GET1: variants seen among roughly 807,000 people sequenced by gnomAD.
The protein encoded by GET1 is congenital heart disease 5 protein.
In GET1, 20 loss-of-function variants were observed where a neutral mutation model predicts 22.6. That is an observed-to-expected ratio of 0.89 (90% CI 0.62 to 1.29). The LOEUF is 1.29. GET1 is among the 50% of genes most tolerant of loss of function. GET1 has a pLI of 0.00. For synonymous variants in GET1, 92 were observed against 83.8 expected (o/e 1.10, Z -0.53); for missense variants, 209 against 219.9 (o/e 0.95, Z 0.31).
At chr21:39,420,605 T>C in intron 1 of GET1, 1 of 973,736 alleles carries the variant, frequency 1.0e-6, no homozygotes, top group African/African-American at 1.6e-5. Flanking sequence ...CTTATATATG[T>C]ATGTAAAATA....
chr21:39,405,989 G>A lies in GET1; in HGVS notation c.*5G>A, dbSNP rs769764729. On this transcript the variant is annotated 3_prime_UTR_variant, in exon 5 of 5. Transcript: ENST00000415847. ...GCATGGCTGGTGGAGGCCTGACTGG[G>A]AGGCAGGGGATGCGACTCCTTACTT... 4 of 1,614,064 alleles carry A rather than the reference G, an allele frequency of 2.5e-6. No homozygotes were observed. The African/African-American group carries it at 4.0e-5, about 16-fold the overall frequency.
chr21:39,385,894 T>C (rs770169594), intron 1 of GET1, among the ~76,000 whole-genome samples: 1 of 151,970 alleles, frequency 6.6e-6, no homozygotes, highest in Non-Finnish European at 1.5e-5. Context: ...TCAGAGTCTA[T>C]GCAAACCGCA....
intron 1 of GET1, chr21:39,422,931 A>G (rs1174373174): frequency 1.9e-6 from 3 of 1,567,248 alleles, no homozygotes; most frequent in African/African-American, 1.4e-5. Flanking sequence ...CCCTCTCTCT[A>G]TTAACTTTGG....
intron 1 of GET1, among the ~76,000 whole-genome samples, chr21:39,425,454 A>G (rs2074502151): frequency 6.6e-6 from 1 of 152,212 alleles, no homozygotes; most frequent in Non-Finnish European, 1.5e-5. Flanking sequence ...CTTCAAGTGT[A>G]TTTATTTTCC....
intron 1 of GET1, chr21:39,380,718 A>G: frequency 7.8e-7 from 1 of 1,286,868 alleles, no homozygotes; most frequent in Non-Finnish European, 9.9e-7. Context: ...GCAACCCTGG[A>G]CTCTTCTGGC....
chr21:39,387,688 C>T, intron 1 of GET1: 1 of 644,164 alleles, frequency 1.6e-6, no homozygotes, highest in Non-Finnish European at 1.9e-6. Context: ...CTACTCCCCA[C>T]ACTCCCCCCC....
intron 1 of GET1, among the ~76,000 whole-genome samples, chr21:39,421,079 C>G (rs927833149): frequency 1.9e-4 from 29 of 150,446 alleles, no homozygotes; most frequent in Non-Finnish European, 1.5e-5. Flanking sequence ...TTTACATACT[C>G]TAAAATTTGA....
At chr21:39,389,802 C>T (rs1269352930) in intron 1 of GET1, among the ~76,000 whole-genome samples, 1 of 152,208 alleles carries the variant, frequency 6.6e-6, no homozygotes, top group Non-Finnish European at 1.5e-5. Flanking sequence ...CCCTGCCTCA[C>T]CACTGTTACC....
chr21:39,406,040 C>T (rs1410094567), exon 5 of GET1: 1 of 1,614,214 alleles, frequency 6.2e-7, no homozygotes, highest in Admixed American at 1.7e-5. Context: ...GAGCCTTTTG[C>T]AACACCAGGA....
chr21:39,416,359 T>C (rs2041155014), intron 1 of GET1, among the ~76,000 whole-genome samples: 1 of 152,250 alleles, frequency 6.6e-6, no homozygotes, highest in Non-Finnish European at 1.5e-5. Context: ...TCCCCATCTT[T>C]GGCCAGTAAG....
chr21:39,420,822 ACCT>A, intron 1 of GET1: 1 of 1,612,634 alleles, frequency 6.2e-7, no homozygotes, highest in Non-Finnish European at 8.5e-7. Flanking sequence ...CTGCAGTTCA[ACCT>A]CAGTTGTTTT....
chr21:39,418,753 G>T (rs2041755220), intron 1 of GET1, among the ~76,000 whole-genome samples: 1 of 152,160 alleles, frequency 6.6e-6, no homozygotes, highest in Non-Finnish European at 1.5e-5. Context: ...GCCCGCCTCG[G>T]CCTCCCAAAG....
At chr21:39,420,745 A>C in intron 1 of GET1, 1 of 1,613,312 alleles carries the variant, frequency 6.2e-7, no homozygotes, top group African/African-American at 1.3e-5. Flanking sequence ...CCACCTGCAG[A>C]GTCTTGGTAG....
At chr21:39,410,501 A>G, downstream of GET1, 2 of 550,442 alleles carry the variant, frequency 3.6e-6, no homozygotes, top group East Asian at 3.1e-5. Context: ...CAATATATAT[A>G]TAAGCATTTG....
At chr21:39,382,864 C>A (rs1008000355) in intron 1 of GET1, among the ~76,000 whole-genome samples, 1 of 152,226 alleles carries the variant, frequency 6.6e-6, no homozygotes, top group Non-Finnish European at 1.5e-5. Flanking sequence ...ATTCGACATT[C>A]TCACCAGCAG....
At chr21:39,398,760 C>T (rs779757645), downstream of GET1, among the ~76,000 whole-genome samples, 115 of 151,916 alleles carry the variant, frequency 7.6e-4, no homozygotes, top group Non-Finnish European at 1.4e-3. Context: ...ATTACAGGCG[C>T]CCGCCGTCAC....
chr21:39,415,076 AT>A (rs1175880809), intron 1 of GET1, among the ~76,000 whole-genome samples: 1 of 151,852 alleles, frequency 6.6e-6, no homozygotes, highest in Non-Finnish European at 1.5e-5. Flanking sequence ...TAATTTCTAA[AT>A]TTTTTTGTAG....
chr21:39,402,598 C>T (rs1281074591), downstream of GET1, among the ~76,000 whole-genome samples: 1 of 152,224 alleles, frequency 6.6e-6, no homozygotes, highest in African/African-American at 2.4e-5. Context: ...TACTTATCTC[C>T]TTGGGTGCCT....
At position 39,415,794 on chromosome 21, in the gene GET1, G is replaced by A. The variant is rs192681150; in HGVS notation, c.*23+4857G>A. 6.4e-4 allele frequency among the ~76,000 whole-genome samples: 98 copies of A among 152,070 alleles called. 1 individual carries two copies. The South Asian group carries it at 7.5e-3, about 12-fold the overall frequency. ...ATTTTTTCTGCTTTGCTATTTAATCGTAGAAATGGGGGTATCTGTAATGCA... is the reference window on the plus strand; with the variant it reads ...ATTTTTTCTGCTTTGCTATTTAATCATAGAAATGGGGGTATCTGTAATGCA... On this transcript the variant is annotated intron_variant, in intron 1 of 1. Transcript: ENST00000478273.
Sources: allele counts gnomAD v4.1 joint callset (sites outside exome capture counted in the v4.1 genomes callset), GRCh38; gene constraint gnomAD v4.1.1; transcripts MANE v1.5; gene names NCBI Gene and HGNC (gene_info 2026-07-23, HGNC 2026-07-21).